KIF13A: variants seen among roughly 807,000 people sequenced by gnomAD.
KIF13A encodes the protein kinesin family member 13A.
KIF13A carries 79 observed loss-of-function variants against 212.2 expected under a neutral mutation model. The ratio of observed to expected loss-of-function variants is 0.37; its 90% CI spans 0.31 to 0.45. The LOEUF (loss-of-function observed/expected upper bound fraction) is 0.45, where lower values mean the gene tolerates loss of function less well. Among genes scored for constraint, KIF13A ranks in the 20% least tolerant of loss-of-function variants. The pLI is 1.00. For synonymous variants in KIF13A, 789 were observed against 808.6 expected (o/e 0.98, Z 0.41); for missense variants, 1,901 against 2,209.0 (o/e 0.86, Z 2.79).
chr6:17,865,599 T>G (rs576549058), intron 4 of KIF13A, among the ~76,000 whole-genome samples: 1 of 152,334 alleles, frequency 6.6e-6, no homozygotes, highest in South Asian at 2.1e-4. Flanking sequence ...TGTATGGAAG[T>G]GCAGCTTTCA....
chr6:17,765,869 A>C (rs73721714), intron 38 of KIF13A, among the ~76,000 whole-genome samples: 2,214 of 152,344 alleles, frequency 0.015, 60 homozygotes, highest in African/African-American at 0.048. Context: ...TCCTTTTAAA[A>C]TATGTCTTTC....
At chr6:17,831,016 A>G (rs1765398994) in intron 13 of KIF13A, 85 bp downstream of exon 13, 8 of 1,298,716 alleles carry the variant, frequency 6.2e-6, no homozygotes, top group East Asian at 2.3e-5. Flanking sequence ...ACAAAAAGCA[A>G]CATCACAGAG....
intron 29 of KIF13A, among the ~76,000 whole-genome samples, chr6:17,782,353 G>A (rs780402971): frequency 1.3e-5 from 2 of 152,052 alleles, no homozygotes; most frequent in Non-Finnish European, 2.9e-5. Context: ...AACACACCTC[G>A]GAGGCTGAGC....
At chr6:17,852,238 T>C (rs556390819) in intron 6 of KIF13A, among the ~76,000 whole-genome samples, 196 bp from the exon 7 acceptor site, 1 of 152,340 alleles carries the variant, frequency 6.6e-6, no homozygotes, top group Admixed American at 6.5e-5. Context: ...TATGCTCTGA[T>C]TTCTATTTAA....
rs1160036390 is a variant in KIF13A, at chr6:17,772,857, C to A, written c.4324+621G>T. ...TATATATGACTAAGGGAGGACAATT[C>A]TTCTTCCTTGCTTGTATCATTTCTT... On this transcript the variant is annotated intron_variant, in intron 36 of 38. Coordinates refer to ENST00000259711, the MANE Select transcript of KIF13A (RefSeq NM_022113.6). The surrounding 1 kb of genome is among the most constrained non-coding windows in gnomAD (Gnocchi z 4.8). Among the ~76,000 whole-genome samples the A allele has an allele frequency of 6.6e-6, 1 of 152,188 alleles. No homozygotes were observed. The highest frequency in any genetic ancestry group is 1.5e-5 in the Non-Finnish European group (1 of 68,032).
chr6:17,946,719 G>A (rs1777431538), intron 2 of KIF13A, among the ~76,000 whole-genome samples: 1 of 152,126 alleles, frequency 6.6e-6, no homozygotes, highest in Non-Finnish European at 1.5e-5. Flanking sequence ...AGTTTAACAT[G>A]CACATATGCT....
At chr6:17,867,847 G>T (rs1297995951) in intron 4 of KIF13A, among the ~76,000 whole-genome samples, 1 of 151,526 alleles carries the variant, frequency 6.6e-6, no homozygotes, top group Non-Finnish European at 1.5e-5. Flanking sequence ...ATTCTGGTTA[G>T]TTAAGTTAAT....
In KIF13A at chr6:17,764,201, C is replaced by T. The variant is rs1455199739; in HGVS notation, c.5327G>A (p.Gly1776Glu). 1 of 1,613,840 alleles carries T rather than the reference C, an allele frequency of 6.2e-7. No homozygotes were observed. Among genetic ancestry groups the T allele is most frequent in the Non-Finnish European group, 8.5e-7 (1 of 1,179,886 alleles). ...ATGCAGCTGGCTGGGGTGGTGGAGCCCATCGGAGACAGTCTTGCCGCCTGT... is the reference window on the plus strand; with the variant it reads ...ATGCAGCTGGCTGGGGTGGTGGAGCTCATCGGAGACAGTCTTGCCGCCTGT... Reference protein sequence around the residue: ...NKTGGKTVSDGLHHPSQLHSK... With the variant: ...NKTGGKTVSDELHHPSQLHSK... The change falls in exon 39 of 39, where the codon GGG becomes GAG. Residue 1776 changes from glycine to glutamate, a missense_variant. Physicochemically the swap from Gly to Glu is moderately conservative, Grantham distance 98. Around this residue, in one of 5 missense-constraint regions of KIF13A, gnomAD observed 687 missense variants for 759.1 expected, o/e 0.90. Transcript: ENST00000259711. This position sits in a 1 kb window ranked among gnomAD's most constrained non-coding sequence, Gnocchi z 5.1.
intron 11 of KIF13A, among the ~76,000 whole-genome samples, chr6:17,835,167 CAG>C: frequency 7.9e-6 from 1 of 126,810 alleles, no homozygotes; most frequent in South Asian, 2.6e-4. Flanking sequence ...GCCCGGGCAA[CAG>C]AGAGACTCTG....
intron 11 of KIF13A, among the ~76,000 whole-genome samples, chr6:17,835,752 C>A (rs761435297): frequency 6.6e-6 from 1 of 152,160 alleles, no homozygotes; most frequent in Non-Finnish European, 1.5e-5. Context: ...CTTGGCTTCA[C>A]CTTTTTGTTT....
rs1471044891 is a variant in KIF13A, at chr6:17,838,004, T to C, written c.831-421A>G. Among the ~76,000 whole-genome samples the C allele has an allele frequency of 1.3e-5, 2 of 149,426 alleles. No homozygotes were observed. The highest frequency in any genetic ancestry group is 2.5e-5 in the African/African-American group (1 of 40,420). On this transcript the variant is annotated intron_variant, in intron 9 of 38. Transcript: ENST00000259711. This position sits in a 1 kb window ranked among gnomAD's most constrained non-coding sequence, Gnocchi z 4.2. ...AAACCAAAATATCATAAAAAGAAAG[T>C]GCTTTGTAAATGGTTTAAAAAGTTA...
rs1281272555 is a variant in KIF13A, at chr6:17,779,004, CTTCTCAA to C, written c.4028_4034del (p.Ile1343SerfsTer13). 6.2e-7 allele frequency: 1 copy of C among 1,613,412 alleles called. No individual in the cohort carries two copies. On this transcript the variant is annotated frameshift_variant, in exon 33 of 39. Coordinates refer to ENST00000259711, the MANE Select transcript of KIF13A (RefSeq NM_022113.6). LOFTEE classifies it high-confidence loss of function. ...CCACCTGCAGCACGCCTCGAGTGTA[CTTCTCAA>C]TGTACGTCTCCCCATCTGATGTGCC... is the stretch of plus-strand genomic sequence containing the variant.
At chr6:17,929,968 C>G (rs1243667238) in intron 2 of KIF13A, among the ~76,000 whole-genome samples, 1 of 152,182 alleles carries the variant, frequency 6.6e-6, no homozygotes, top group African/African-American at 2.4e-5. Context: ...TGAAAGACAG[C>G]TGACAAGAAG....
intron 4 of KIF13A, among the ~76,000 whole-genome samples, chr6:17,870,318 T>C (rs1769884817): frequency 6.6e-6 from 1 of 152,236 alleles, no homozygotes; most frequent in Admixed American, 6.5e-5. Context: ...TACTAAATTT[T>C]AGGCTATCAG....
intron 2 of KIF13A, among the ~76,000 whole-genome samples, chr6:17,910,635 ATGT>A (rs1186808866): frequency 2.0e-5 from 3 of 152,260 alleles, no homozygotes; most frequent in African/African-American, 7.2e-5. Flanking sequence ...TTTGTCAAAA[ATGT>A]TGTCTGCAAT....
At chr6:17,782,634 C>CA (rs1158320534) in intron 29 of KIF13A, among the ~76,000 whole-genome samples, 2 of 80,228 alleles carry the variant, frequency 2.5e-5, no homozygotes, top group Non-Finnish European at 5.0e-5. Flanking sequence ...GACTCTGTCT[C>CA]AAAACAAAAC....
rs1774450707 is a variant in KIF13A, at chr6:17,915,883, G to A, written c.147-17703C>T. ...AGGCTGAGGTGGTAGGATCATTGCA[G>A]TAAGCCAAGATGGCACCACTGCACT... On this transcript the variant is annotated intron_variant, in intron 2 of 38. Coordinates refer to ENST00000259711, the MANE Select transcript of KIF13A (RefSeq NM_022113.6). This position sits in a 1 kb window ranked among gnomAD's most constrained non-coding sequence, Gnocchi z 4.4. 6.6e-6 allele frequency among the ~76,000 whole-genome samples: 1 copy of A among 151,352 alleles called. No homozygotes were observed. The highest frequency in any genetic ancestry group is 2.4e-5 in the African/African-American group (1 of 41,014).
rs1326974631 is a variant in KIF13A at position 17,874,065 on chromosome 6, C to T, written c.160-628G>A. Among the ~76,000 whole-genome samples the T allele has an allele frequency of 7.2e-5, 11 of 152,288 alleles. No individual in the cohort carries two copies. The East Asian group carries it at 2.1e-3, about 29-fold the overall frequency. On this transcript the variant is annotated intron_variant, in intron 3 of 38. Transcript: ENST00000259711. ...AAAACAAAAACAATATCTTCTCTCG[C>T]AAGTCCATGGTTTCAGCAACCATGG...
intron 3 of KIF13A, among the ~76,000 whole-genome samples, chr6:17,876,273 G>A (rs555470123): frequency 6.6e-6 from 1 of 152,100 alleles, no homozygotes; most frequent in East Asian, 1.9e-4. Context: ...TGAGCATACA[G>A]AACCCATGCT....
Sources: allele counts gnomAD v4.1 joint callset (sites outside exome capture counted in the v4.1 genomes callset), GRCh38; gene constraint gnomAD v4.1.1; regional missense constraint gnomAD v4.1.1; non-coding constraint Gnocchi (gnomAD v3.1); transcripts MANE v1.5; gene names NCBI Gene and HGNC (gene_info 2026-07-23, HGNC 2026-07-21).